ROCK1: variants seen among roughly 807,000 people sequenced by gnomAD.
ROCK1 encodes the protein Rho associated coiled-coil containing protein kinase 1.
In ROCK1, 36 loss-of-function variants were observed where a neutral mutation model predicts 196.8. That is an observed-to-expected ratio of 0.18 (90% CI 0.14 to 0.24). ROCK1 has a LOEUF of 0.24. Among genes scored for constraint, ROCK1 ranks in the 10% least tolerant of loss-of-function variants. The probability of loss-of-function intolerance (pLI) is 1.00; values close to 1 mark genes in which losing one functional copy is unlikely to be tolerated. For synonymous variants in ROCK1, 443 were observed against 515.9 expected (o/e 0.86, Z 1.91); for missense variants, 920 against 1,562.0 (o/e 0.59, Z 6.93).
chr18:21,066,081 TAATAA>T (rs1427677919), intron 2 of ROCK1, among the ~76,000 whole-genome samples: 1 of 152,182 alleles, frequency 6.6e-6, no homozygotes, highest in African/African-American at 2.4e-5. Flanking sequence ...AATTTACCTT[TAATAA>T]AATAATTTTG....
chr18:21,026,617 T>C (rs1028778367), intron 10 of ROCK1, among the ~76,000 whole-genome samples: 3 of 152,122 alleles, frequency 2.0e-5, no homozygotes, highest in Admixed American at 6.5e-5. Context: ...AAGTATTAAG[T>C]ACTATCTTAC....
chr18:21,006,794 G>A lies in ROCK1; in HGVS notation c.1547-4C>T. 1 of 1,499,416 alleles carries A rather than the reference G, an allele frequency of 6.7e-7. No individual in the cohort carries two copies. The highest frequency in any genetic ancestry group is 9.1e-7 in the Non-Finnish European group (1 of 1,098,762). The allele number at this position is 1,499,416 out of a possible 1,614,324, so 92.9% of individuals were successfully genotyped here. On this transcript the variant is annotated splice_polypyrimidine_tract_variant and splice_region_variant and intron_variant, in intron 14 of 32. Transcript: ENST00000399799. The stretch of plus-strand genomic sequence containing the variant: ...AACTGATCCTTTAATGTAGAAACTA[G>A]AAAATGAAAGAATAATATATAGAAA...
At chr18:21,032,970 G>A (rs1339105289) in intron 9 of ROCK1, among the ~76,000 whole-genome samples, 1 of 152,078 alleles carries the variant, frequency 6.6e-6, no homozygotes, top group Non-Finnish European at 1.5e-5. Flanking sequence ...GCCAAGGGAG[G>A]GTGGCTTAAG....
rs188035285 is a variant in ROCK1 at position 20,983,032 on chromosome 18, C to T, written c.2490-200G>A. 4.0e-3 allele frequency among the ~76,000 whole-genome samples: 605 copies of T among 151,770 alleles called. 3 individuals are homozygous for T. The highest frequency in any genetic ancestry group is 6.4e-3 in the Non-Finnish European group (436 of 67,952). ...TTCTATCTTGCTCCTTATAAAATGA[C>T]GCTATGCAAAAGTAGTGAGAACCCT... On this transcript the variant is annotated intron_variant, in intron 20 of 32. Coordinates refer to ENST00000399799, the MANE Select transcript of ROCK1 (RefSeq NM_005406.3).
chr18:21,028,194 G>A (rs1395041461), intron 10 of ROCK1, among the ~76,000 whole-genome samples: 1 of 151,294 alleles, frequency 6.6e-6, no homozygotes, highest in Non-Finnish European at 1.5e-5. Context: ...GAGGCAGGCA[G>A]ATCATGAGGT....
intron 18 of ROCK1, among the ~76,000 whole-genome samples, chr18:20,989,188 T>A (rs2035601830): frequency 6.6e-6 from 1 of 152,210 alleles, no homozygotes; most frequent in African/African-American, 2.4e-5. Context: ...CTTGGCAAGA[T>A]GATGATGTGA....
At chr18:21,107,039 G>A (rs1163918413) in intron 1 of ROCK1, among the ~76,000 whole-genome samples, 1 of 152,160 alleles carries the variant, frequency 6.6e-6, no homozygotes, top group South Asian at 2.1e-4. Context: ...GTCTAAATAA[G>A]AAATTCATTT....
At chr18:21,097,096 T>C (rs1435777942) in intron 1 of ROCK1, among the ~76,000 whole-genome samples, 2 of 152,082 alleles carry the variant, frequency 1.3e-5, no homozygotes, top group African/African-American at 4.8e-5. Flanking sequence ...TGAGATACTA[T>C]AGAAAGCAAG....
chr18:21,014,215 C>T (rs2035843910), intron 13 of ROCK1, among the ~76,000 whole-genome samples: 1 of 151,984 alleles, frequency 6.6e-6, no homozygotes, highest in South Asian at 2.1e-4. Flanking sequence ...GGAGCTTTGT[C>T]TGCAACTGTT....
At position 20,951,283 on chromosome 18, in the gene ROCK1, T is replaced by C; in HGVS notation, c.*101A>G. On this transcript the variant is annotated 3_prime_UTR_variant, in exon 33 of 33. Coordinates refer to ENST00000399799, the MANE Select transcript of ROCK1 (RefSeq NM_005406.3). Reference sequence around the variant, plus strand: ...GCAATCTTAACCCTGAAGCCTGTGATATTTGTGTCAAAGAAACAGCCTGTC... The same window carrying C: ...GCAATCTTAACCCTGAAGCCTGTGACATTTGTGTCAAAGAAACAGCCTGTC... 2.9e-6 allele frequency: 3 copies of C among 1,047,438 alleles called. No individual in the cohort carries two copies. The highest frequency in any genetic ancestry group is 2.8e-6 in the Non-Finnish European group (2 of 712,788). 64.9% of individuals were successfully genotyped at this position (1,047,438 alleles called of 1,614,324 possible).
At chr18:21,065,151 G>A (rs1038942134) in intron 2 of ROCK1, among the ~76,000 whole-genome samples, 20 of 152,104 alleles carry the variant, frequency 1.3e-4, no homozygotes, top group Admixed American at 1.3e-3. Context: ...TTTGTCTCAA[G>A]GTCTGTGTAA....
intron 4 of ROCK1, among the ~76,000 whole-genome samples, chr18:21,045,673 G>A (rs1490288852): frequency 6.6e-6 from 1 of 152,028 alleles, no homozygotes; most frequent in Non-Finnish European, 1.5e-5. Flanking sequence ...TTATTCAGAA[G>A]AGTTACATGG....
chr18:21,027,866 A>T (rs2035973497), intron 10 of ROCK1, among the ~76,000 whole-genome samples: 1 of 131,656 alleles, frequency 7.6e-6, no homozygotes, highest in Admixed American at 9.1e-5. Context: ...GGTTCACGCC[A>T]TTCTCCTGCC....
chr18:20,989,206 T>C (rs1259505591), intron 18 of ROCK1, among the ~76,000 whole-genome samples: 1 of 152,242 alleles, frequency 6.6e-6, no homozygotes, highest in Non-Finnish European at 1.5e-5. Flanking sequence ...TGATGTTCAG[T>C]AGCCAAGATA....
At chr18:21,073,363 G>C (rs949649161) in intron 1 of ROCK1, among the ~76,000 whole-genome samples, 1 of 152,140 alleles carries the variant, frequency 6.6e-6, no homozygotes, top group African/African-American at 2.4e-5. Flanking sequence ...ATGGCAGGGG[G>C]AGCAGGGGGA....
intron 13 of ROCK1, 59 bp from the exon 14 acceptor site, chr18:21,008,253 T>C (rs2035785384): frequency 1.6e-6 from 2 of 1,255,100 alleles, no homozygotes; most frequent in African/African-American, 1.6e-5. Flanking sequence ...TTCATTCAAG[T>C]GAGTATTTTG....
intron 27 of ROCK1, among the ~76,000 whole-genome samples, chr18:20,966,307 T>G (rs2035373846): frequency 6.6e-6 from 1 of 152,210 alleles, no homozygotes; most frequent in Non-Finnish European, 1.5e-5. Context: ...ATTTTTAAAT[T>G]GATTCTCCAC....
At chr18:20,970,230 CACT>C in intron 23 of ROCK1, 115 bp downstream of exon 23, 3 of 658,702 alleles carry the variant, frequency 4.6e-6, no homozygotes, top group Non-Finnish European at 7.6e-6. Flanking sequence ...ACAGAATGAC[CACT>C]ATGTATTAAC....
intron 9 of ROCK1, among the ~76,000 whole-genome samples, chr18:21,038,784 A>G (rs1568391017): frequency 6.6e-6 from 1 of 152,184 alleles, no homozygotes; most frequent in Non-Finnish European, 1.5e-5. Flanking sequence ...TCAGCAGGGG[A>G]AAGATGAATT....
Sources: allele counts gnomAD v4.1 joint callset (sites outside exome capture counted in the v4.1 genomes callset), GRCh38; gene constraint gnomAD v4.1.1; transcripts MANE v1.5; gene names NCBI Gene and HGNC (gene_info 2026-07-23, HGNC 2026-07-21).